The following APBA1 variants were observed in gnomAD, a reference collection of about 807,000 sequenced individuals.
The protein encoded by APBA1 is amyloid-beta A4 precursor protein-binding family A member 1.
A neutral mutation model predicts 86.6 loss-of-function variants in APBA1; 55 were observed. The ratio of observed to expected loss-of-function variants is 0.64; its 90% CI spans 0.51 to 0.80. The LOEUF (loss-of-function observed/expected upper bound fraction) is 0.80. Ranked by LOEUF, APBA1 falls within the 30% of genes least tolerant of loss-of-function variation. The pLI, the probability that APBA1 is intolerant of heterozygous loss-of-function variation, is 0.00. For missense variants in APBA1, 1,090 were observed against 1,183.0 expected, an observed-to-expected ratio of 0.92 and a Z score of 1.15; for synonymous variants, 511 against 493.9, an observed-to-expected ratio of 1.03 and a Z score of -0.46.
intron 1 of APBA1, among the ~76,000 whole-genome samples, chr9:69,604,822 GC>G (rs1269988319): frequency 6.7e-6 from 1 of 149,184 alleles, no homozygotes; most frequent in African/African-American, 2.5e-5. Context: ...ATGAGTGTGG[GC>G]ACACATGCAC....
At chr9:69,440,349 G>A (rs974908654) in intron 11 of APBA1, among the ~76,000 whole-genome samples, 1 of 152,162 alleles carries the variant, frequency 6.6e-6, no homozygotes, top group African/African-American at 2.4e-5. Context: ...GGTTACTGCT[G>A]CCTTTTGTTT....
At chr9:69,520,995 G>A (rs1019134218) in intron 1 of APBA1, among the ~76,000 whole-genome samples, 3 of 152,094 alleles carry the variant, frequency 2.0e-5, no homozygotes, top group African/African-American at 4.8e-5. Flanking sequence ...TCCCTTCTAG[G>A]GCACAGTATA....
At chr9:69,607,336 T>C (rs113624078) in intron 1 of APBA1, among the ~76,000 whole-genome samples, 61 of 152,238 alleles carry the variant, frequency 4.0e-4, no homozygotes, top group African/African-American at 1.3e-3. Context: ...TCAGATCTTG[T>C]GAGACTTATT....
chr9:69,598,609 T>A (rs112283322), intron 1 of APBA1, among the ~76,000 whole-genome samples: 5 of 152,242 alleles, frequency 3.3e-5, no homozygotes, highest in African/African-American at 1.2e-4. Flanking sequence ...GGTCCCTGCA[T>A]CTTGAACAGA....
intron 1 of APBA1, among the ~76,000 whole-genome samples, chr9:69,565,949 C>T (rs542895138): frequency 6.6e-6 from 1 of 152,214 alleles, no homozygotes; most frequent in East Asian, 1.9e-4. Context: ...AAGCCCTGAC[C>T]GTGGCCTCAA....
chr9:69,629,895 C>G (rs1823005736), intron 1 of APBA1, among the ~76,000 whole-genome samples: 1 of 152,138 alleles, frequency 6.6e-6, no homozygotes, highest in African/African-American at 2.4e-5. Context: ...TAGTGAGGTC[C>G]TACTCCCGGC....
intron 2 of APBA1, among the ~76,000 whole-genome samples, chr9:69,480,737 A>G (rs1283436394): frequency 3.3e-4 from 17 of 51,848 alleles, no homozygotes; most frequent in African/African-American, 1.4e-3. Context: ...AAATACTGGC[A>G]AAACGAATCC....
chr9:69,632,207 C>A (rs1318037376), intron 1 of APBA1, among the ~76,000 whole-genome samples: 2 of 151,982 alleles, frequency 1.3e-5, no homozygotes, highest in East Asian at 3.9e-4. Flanking sequence ...GACCCACAAA[C>A]AAATTAACTT....
rs968251679 is a variant in APBA1 at position 69,603,441 on chromosome 9, A to G, written c.-70+68712T>C. The stretch of plus-strand genomic sequence containing the variant: ...ATGTGAAATATCCTGATCAGCTCAC[A>G]CTTCAAAATTTTTGCTGAAGCTCAG... On this transcript the variant is annotated intron_variant, in intron 1 of 12. Transcript: ENST00000265381. Among the ~76,000 whole-genome samples, 49 of 152,354 alleles carry G rather than the reference A, an allele frequency of 3.2e-4. 1 individual carries two copies. The highest frequency in any genetic ancestry group is 3.2e-3 in the Admixed American group (49 of 15,308).
At position 69,516,273 on chromosome 9, in the gene APBA1, C is replaced by T. The variant is rs1208342136; in HGVS notation, c.938G>A (p.Ser313Asn). 1.2e-5 allele frequency: 17 copies of T among 1,453,616 alleles called. No individual in the cohort carries two copies. The highest frequency in any genetic ancestry group is 1.3e-5 in the Non-Finnish European group (14 of 1,108,384). 90.0% of individuals were successfully genotyped at this position (1,453,616 alleles called of 1,614,324 possible). A position where few individuals can be genotyped will look rare whatever the true frequency, so the allele number is the denominator to read the frequency against. The change falls in exon 2 of 13, where the codon AGC becomes AAC. Residue 313 changes from serine (S) to asparagine (N), a missense_variant. This residue lies in a region of APBA1 where 678 missense variants were observed against 647.1 expected (regional missense o/e 1.05). Coordinates refer to ENST00000265381, the MANE Select transcript of APBA1 (RefSeq NM_001163.4). The surrounding 1 kb of genome is among the most constrained non-coding windows in gnomAD (Gnocchi z 7.3). The stretch of plus-strand genomic sequence containing the variant: ...CCCCGCCGGCGCCTGCAGCCCGGGG[C>T]TGTCGGGGCGACCCCCGGCCGGGGT... ...PPTPAGGRPD[S>N]PGLQAPAGQQ...
chr9:69,471,365 T>G (rs1313729651), intron 4 of APBA1, among the ~76,000 whole-genome samples: 1 of 152,202 alleles, frequency 6.6e-6, no homozygotes, highest in Non-Finnish European at 1.5e-5. Flanking sequence ...GACTTGGGTT[T>G]TGGATCCAGT....
chr9:69,454,251 C>T (rs1300178023), intron 8 of APBA1, among the ~76,000 whole-genome samples: 5 of 152,210 alleles, frequency 3.3e-5, no homozygotes, highest in Admixed American at 3.3e-4. Flanking sequence ...AGAACTACCA[C>T]CATCTACCTA....
At chr9:69,469,915 G>A (rs1835339943) in intron 4 of APBA1, among the ~76,000 whole-genome samples, 1 of 152,150 alleles carries the variant, frequency 6.6e-6, no homozygotes. Flanking sequence ...AAAAATCAAT[G>A]TTAAAAGAAA....
At chr9:69,442,969 C>G (rs1834849875) in intron 10 of APBA1, among the ~76,000 whole-genome samples, 1 of 152,220 alleles carries the variant, frequency 6.6e-6, no homozygotes, top group Non-Finnish European at 1.5e-5. Context: ...GAATCTGTAG[C>G]AAGAGTGCTT....
At chr9:69,672,447 C>A (rs1811734726), upstream of APBA1, 1 of 150,634 alleles carries the variant, frequency 6.6e-6, no homozygotes, top group African/African-American at 2.4e-5. Flanking sequence ...GCGCTGGGGC[C>A]GGGCGGGCCT....
chr9:69,556,390 A>C (rs991921142), intron 1 of APBA1, among the ~76,000 whole-genome samples: 1 of 152,128 alleles, frequency 6.6e-6, no homozygotes, highest in African/African-American at 2.4e-5. Flanking sequence ...TCCTGGACAC[A>C]CCTAGACTGG....
intron 1 of APBA1, among the ~76,000 whole-genome samples, chr9:69,627,607 T>C (rs1478364785): frequency 1.3e-5 from 2 of 152,026 alleles, no homozygotes; most frequent in African/African-American, 2.4e-5. Context: ...CAAGTGGAAA[T>C]AGTGTTAATG....
At chr9:69,655,944 T>A (rs936408906) in intron 1 of APBA1, among the ~76,000 whole-genome samples, 3 of 152,228 alleles carry the variant, frequency 2.0e-5, no homozygotes, top group Non-Finnish European at 4.4e-5. Context: ...GTGACTGACA[T>A]GCTAACTACT....
chr9:69,596,514 T>A (rs1351717859), intron 1 of APBA1, among the ~76,000 whole-genome samples: 1 of 152,202 alleles, frequency 6.6e-6, no homozygotes, highest in African/African-American at 2.4e-5. Context: ...AGCATAATAG[T>A]GCCAGCTATA....
Sources: allele counts gnomAD v4.1 joint callset (sites outside exome capture counted in the v4.1 genomes callset), GRCh38; gene constraint gnomAD v4.1.1; regional missense constraint gnomAD v4.1.1; non-coding constraint Gnocchi (gnomAD v3.1); transcripts MANE v1.5; gene names NCBI Gene and HGNC (gene_info 2026-07-23, HGNC 2026-07-21).